The following PMFBP1 variants were observed in gnomAD, a reference collection of about 807,000 sequenced individuals.
PMFBP1 encodes polyamine modulated factor 1 binding protein 1, also known as polyamine-modulated factor 1-binding protein 1.
PMFBP1 carries 131 observed loss-of-function variants against 137.8 expected under a neutral mutation model. That is an observed-to-expected ratio of 0.95 (90% CI 0.82 to 1.10). The LOEUF is 1.10. Ranked by LOEUF, PMFBP1 falls within the 50% of genes least tolerant of loss-of-function variation. The pLI is 0.00. For missense variants in PMFBP1, 1,199 were observed against 1,175.4 expected (o/e 1.02, Z -0.29); for synonymous variants, 490 against 450.4 (o/e 1.09, Z -1.11).
At chr16:72,171,340 G>C in intron 1 of PMFBP1, 72 bp from the exon 2 acceptor site, 1 of 1,030,598 alleles carries the variant, frequency 9.7e-7, no homozygotes, top group Non-Finnish European at 1.4e-6. Context: ...TTTCCCAGCT[G>C]GATCTATGCC....
intron 5 of PMFBP1, among the ~76,000 whole-genome samples, chr16:72,147,360 T>C (rs2042824724): frequency 6.6e-6 from 1 of 152,186 alleles, no homozygotes; most frequent in African/African-American, 2.4e-5. Context: ...TTACACCTTA[T>C]ACAAAAATTA....
chr16:72,180,354 G>A (rs1250738104), upstream of PMFBP1, among the ~76,000 whole-genome samples: 2 of 152,094 alleles, frequency 1.3e-5, no homozygotes, highest in Non-Finnish European at 2.9e-5. Context: ...GCCTCCACTG[G>A]TGTTAAGACC....
At chr16:72,168,268 T>C (rs936368670) in intron 2 of PMFBP1, among the ~76,000 whole-genome samples, 11 of 152,276 alleles carry the variant, frequency 7.2e-5, no homozygotes, top group African/African-American at 2.6e-4. Context: ...GGAGTAAAAA[T>C]GCTGGGAGAG....
At chr16:72,185,906 A>T in the PMFBP1 span, among the ~76,000 whole-genome samples, 1 of 152,240 alleles carries the variant, frequency 6.6e-6, no homozygotes, top group South Asian at 2.1e-4. Context: ...TTTGGGTGAC[A>T]GAATCAGAAG....
the PMFBP1 span, among the ~76,000 whole-genome samples, chr16:72,212,226 T>C: frequency 6.6e-6 from 1 of 152,120 alleles, no homozygotes; most frequent in East Asian, 1.9e-4. Flanking sequence ...GAGGGGATTA[T>C]AGAAGAAAGG....
chr16:72,119,665 G>C (rs2042346995), intron 20 of PMFBP1, 186 bp downstream of exon 20: 2 of 1,449,972 alleles, frequency 1.4e-6, no homozygotes, highest in South Asian at 3.0e-5. Context: ...GATGTTCTTA[G>C]ATCAGAAGGG....
At chr16:72,220,261 G>A in the PMFBP1 span, among the ~76,000 whole-genome samples, 1 of 152,188 alleles carries the variant, frequency 6.6e-6, no homozygotes, top group Admixed American at 6.5e-5. Flanking sequence ...TGCAATAACA[G>A]TTTGAGAATT....
intron 17 of PMFBP1, 58 bp downstream of exon 17, chr16:72,124,709 T>C: frequency 6.3e-7 from 1 of 1,578,304 alleles, no homozygotes; most frequent in Non-Finnish European, 8.6e-7. Flanking sequence ...ATTTGGGTGG[T>C]CATAGGATGT....
chr16:72,186,312 C>G, the PMFBP1 span, among the ~76,000 whole-genome samples: 1 of 152,170 alleles, frequency 6.6e-6, no homozygotes, highest in Admixed American at 6.5e-5. Context: ...TTCTGCTATT[C>G]AGAGGTGCAG....
intron 2 of PMFBP1, among the ~76,000 whole-genome samples, chr16:72,170,617 G>T (rs184002846): frequency 6.6e-6 from 1 of 151,974 alleles, no homozygotes; most frequent in Non-Finnish European, 1.5e-5. Flanking sequence ...TTTTTGTAGA[G>T]ACAGGGGTCT....
At chr16:72,155,811 A>G (rs1197900125) in intron 3 of PMFBP1, among the ~76,000 whole-genome samples, 2 of 152,076 alleles carry the variant, frequency 1.3e-5, no homozygotes, top group Non-Finnish European at 2.9e-5. Context: ...GTTTTAGAAC[A>G]TTTCTATCAA....
At chr16:72,128,357 C>G (rs1373292138) in intron 14 of PMFBP1, 3 of 1,328,806 alleles carry the variant, frequency 2.3e-6, no homozygotes, top group African/African-American at 1.5e-5. Flanking sequence ...AAATTGCCCC[C>G]CAAAATGGAT....
the PMFBP1 span, among the ~76,000 whole-genome samples, chr16:72,242,116 A>G: frequency 1.3e-5 from 2 of 152,148 alleles, no homozygotes; most frequent in Non-Finnish European, 2.9e-5. Context: ...ATAGTGCATA[A>G]TTCCAAAATG....
chr16:72,218,770 A>G, the PMFBP1 span, among the ~76,000 whole-genome samples: 2 of 152,220 alleles, frequency 1.3e-5, no homozygotes, highest in Non-Finnish European at 2.9e-5. Flanking sequence ...CTAGGCATCT[A>G]CCATGTGCAA....
At chr16:72,192,276 C>T in the PMFBP1 span, among the ~76,000 whole-genome samples, 15 of 152,182 alleles carry the variant, frequency 9.9e-5, no homozygotes, top group Admixed American at 9.8e-4. Context: ...AGTTTAATGT[C>T]ACTTTAGAAA....
chr16:72,141,551 G>C (rs1444910933), intron 5 of PMFBP1, among the ~76,000 whole-genome samples: 1 of 152,044 alleles, frequency 6.6e-6, no homozygotes, highest in East Asian at 1.9e-4. Context: ...AATTATGTTG[G>C]CTTTTTAAAA....
the PMFBP1 span, among the ~76,000 whole-genome samples, chr16:72,222,324 T>C: frequency 6.6e-6 from 1 of 152,244 alleles, no homozygotes. Context: ...TTCTTTTCAT[T>C]CCAAAGTTCA....
chr16:72,216,239 G>C, the PMFBP1 span, among the ~76,000 whole-genome samples: 1 of 152,176 alleles, frequency 6.6e-6, no homozygotes, highest in African/African-American at 2.4e-5. Flanking sequence ...TTAGAGGAGA[G>C]CTGCCCTACG....
chr16:72,230,923 G>T, the PMFBP1 span, among the ~76,000 whole-genome samples: 2 of 152,184 alleles, frequency 1.3e-5, no homozygotes, highest in African/African-American at 4.8e-5. Flanking sequence ...AACGGCAATA[G>T]ATATCAATGT....
Sources: allele counts gnomAD v4.1 joint callset (sites outside exome capture counted in the v4.1 genomes callset), GRCh38; gene constraint gnomAD v4.1.1; transcripts MANE v1.5; gene names NCBI Gene and HGNC (gene_info 2026-07-23, HGNC 2026-07-21).